ZNF469: variants seen among roughly 807,000 people sequenced by gnomAD.
The protein encoded by ZNF469 is zinc finger protein 469.
In ZNF469, 1 loss-of-function variant was observed where a neutral mutation model predicts 1.0. That is an observed-to-expected ratio of 1.00 (90% CI 0.35 to 4.73). The LOEUF (loss-of-function observed/expected upper bound fraction) is 4.73. Among genes scored for constraint, ZNF469 ranks in the 30% most tolerant of loss-of-function variants. The probability of loss-of-function intolerance (pLI) is 0.16; values close to 1 mark genes in which losing one functional copy is unlikely to be tolerated. For missense variants in ZNF469, 6,100 were observed against 5,356.3 expected (o/e 1.14, Z -4.33); for synonymous variants, 2,703 against 2,363.4 (o/e 1.14, Z -4.17).
intron 1 of ZNF469, among the ~76,000 whole-genome samples, chr16:88,416,201 G>C (rs1238694073): frequency 1.3e-5 from 2 of 152,206 alleles, no homozygotes; most frequent in African/African-American, 2.4e-5. Context: ...TGACCCCCAT[G>C]TAGGCCTCAT....
the ZNF469 span, among the ~76,000 whole-genome samples, chr16:88,219,110 A>C: frequency 1.3e-5 from 2 of 149,972 alleles, no homozygotes; most frequent in African/African-American, 5.0e-5. Context: ...TGCCCAAGGA[A>C]ATAAAAGAGG....
chr16:88,291,142 C>T, the ZNF469 span, among the ~76,000 whole-genome samples: 1 of 152,176 alleles, frequency 6.6e-6, no homozygotes, highest in Admixed American at 6.5e-5. Flanking sequence ...ATAGATGGGG[C>T]AGTCCGGGCT....
At chr16:88,273,618 A>G in the ZNF469 span, among the ~76,000 whole-genome samples, 43,711 of 152,060 alleles carry the variant, frequency 0.29, 6,948 homozygotes, top group Middle Eastern at 0.37. Context: ...TTAAAACTAT[A>G]TCTGCTTTAT....
chr16:88,316,545 C>CTTCTTTTT, the ZNF469 span, among the ~76,000 whole-genome samples: 1 of 101,012 alleles, frequency 9.9e-6, no homozygotes, highest in Non-Finnish European at 1.8e-5. Context: ...TAGGTGCTGT[C>CTTCTTTTT]TTTTTTTTTT....
chr16:88,406,698 C>T (rs2142279445), intron 1 of ZNF469, among the ~76,000 whole-genome samples: 1 of 152,310 alleles, frequency 6.6e-6, no homozygotes, highest in East Asian at 1.9e-4. Flanking sequence ...TGTCTGCGGC[C>T]CCTGCCTCCG....
At chr16:88,239,227 G>A in the ZNF469 span, among the ~76,000 whole-genome samples, 1 of 152,096 alleles carries the variant, frequency 6.6e-6, no homozygotes, top group Non-Finnish European at 1.5e-5. Flanking sequence ...ACTCGTTTTT[G>A]TTCATTTTAT....
In ZNF469 at chr16:88,434,853, C is replaced by T; in HGVS notation, c.7383C>T (p.Gly2461=). Residue 2461 remains glycine, a synonymous_variant, in exon 3 of 3, where the codon GGC becomes GGT. Coordinates refer to ENST00000565624, the MANE Select transcript of ZNF469 (RefSeq NM_001367624.2). ...AGAAGCCTGCATCTACAGAGAACGG[C>T]CAGTGGAAGGGCCAAGCTCCACATG... ...YKKKPASTEN[G]QWKGQAPHGP... is the part of the protein sequence containing the mutation. 1.9e-6 allele frequency: 3 copies of T among 1,550,354 alleles called. No individual in the cohort carries two copies. The highest frequency in any genetic ancestry group is 1.4e-5 in the African/African-American group (1 of 73,180).
the ZNF469 span, among the ~76,000 whole-genome samples, chr16:88,281,525 A>G: frequency 1.4e-4 from 20 of 148,046 alleles, no homozygotes; most frequent in Non-Finnish European, 2.1e-4. Context: ...ACGCTTGGTC[A>G]GTACTGTGCC....
chr16:88,115,557 G>A, the ZNF469 span, among the ~76,000 whole-genome samples: 107 of 151,752 alleles, frequency 7.1e-4, no homozygotes, highest in Admixed American at 1.2e-3. Context: ...CGTCCAGGAC[G>A]GTGGTGTGGA....
chr16:88,117,824 G>A, the ZNF469 span, among the ~76,000 whole-genome samples: 25 of 152,390 alleles, frequency 1.6e-4, no homozygotes, highest in South Asian at 3.5e-3. Flanking sequence ...GAGGGAAGCT[G>A]TGTGAAGGTG....
chr16:88,419,122 G>A (rs1324822923), intron 1 of ZNF469, among the ~76,000 whole-genome samples: 1 of 152,116 alleles, frequency 6.6e-6, no homozygotes, highest in Non-Finnish European at 1.5e-5. Context: ...ACCTGGGACC[G>A]GAGGCTGCTG....
the ZNF469 span, among the ~76,000 whole-genome samples, chr16:88,251,448 G>C: frequency 6.9e-6 from 1 of 145,396 alleles, no homozygotes; most frequent in Non-Finnish European, 1.5e-5. Context: ...TCTGAAGATT[G>C]TTGCTTTTTT....
At chr16:88,192,884 TGGTGGTG>T in the ZNF469 span, among the ~76,000 whole-genome samples, 3 of 20,564 alleles carry the variant, frequency 1.5e-4, no homozygotes, top group African/African-American at 5.4e-4. Flanking sequence ...ATGATGATGA[TGGTGGTG>T]GTGATGGTGG....
chr16:88,314,379 G>T, the ZNF469 span, among the ~76,000 whole-genome samples: 1 of 141,420 alleles, frequency 7.1e-6, no homozygotes, highest in Admixed American at 7.1e-5. Flanking sequence ...GATGATGCTG[G>T]TGTAGAATAT....
At chr16:88,130,706 CAAAA>C in the ZNF469 span, among the ~76,000 whole-genome samples, 6 of 103,428 alleles carry the variant, frequency 5.8e-5, no homozygotes, top group Admixed American at 9.9e-5. Context: ...AACTCTGTGT[CAAAA>C]AAAAAAAAAA....
intron 1 of ZNF469, among the ~76,000 whole-genome samples, chr16:88,401,728 T>C (rs1371867861): frequency 7.0e-6 from 1 of 143,128 alleles, no homozygotes; most frequent in Non-Finnish European, 1.5e-5. Flanking sequence ...GATGGGTGGA[T>C]GGGTGGATGG....
chr16:88,205,799 A>G, the ZNF469 span, among the ~76,000 whole-genome samples: 1 of 152,152 alleles, frequency 6.6e-6, no homozygotes, highest in Non-Finnish European at 1.5e-5. This position sits in a 1 kb window ranked among gnomAD's most constrained non-coding sequence, Gnocchi z 4.2. Flanking sequence ...GGGGTGAGTG[A>G]TGTGTGTGAG....
rs1230293074 is a variant in ZNF469 at position 88,435,175 on chromosome 16, C to A, written c.7705C>A (p.His2569Asn). ...GGTTCTCAGAGCACCGGGGTCCCCA[C>A]ACAGCCAGCAGCTGCACCCTCCAAG... ...KEVLRAPGSP[H>N]SQQLHPPSPT... The change falls in exon 3 of 3, where the codon CAC becomes AAC. Residue 2569 changes from histidine to asparagine, a missense_variant. Physicochemically the swap from His to Asn is moderately conservative, Grantham distance 68. Coordinates refer to ENST00000565624, the MANE Select transcript of ZNF469 (RefSeq NM_001367624.2). 1.3e-6 allele frequency: 2 copies of A among 1,550,364 alleles called. No homozygotes were observed. The highest frequency in any genetic ancestry group is 2.4e-5 in the South Asian group (2 of 84,060).
chr16:88,276,193 G>A, the ZNF469 span, among the ~76,000 whole-genome samples: 1 of 152,206 alleles, frequency 6.6e-6, no homozygotes, highest in African/African-American at 2.4e-5. Flanking sequence ...AGGAGTCAAG[G>A]CCACAGAAAG....
Sources: allele counts gnomAD v4.1 joint callset (sites outside exome capture counted in the v4.1 genomes callset), GRCh38; gene constraint gnomAD v4.1.1; non-coding constraint Gnocchi (gnomAD v3.1); transcripts MANE v1.5; gene names NCBI Gene and HGNC (gene_info 2026-07-23, HGNC 2026-07-21).